The following FAF1 variants were observed in gnomAD, a reference collection of about 807,000 sequenced individuals.
The protein encoded by FAF1 is Fas associated factor 1, also known as FAS-associated factor 1.
A neutral mutation model predicts 92.5 loss-of-function variants in FAF1; 25 were observed. The ratio of observed to expected loss-of-function variants is 0.27; its 90% CI spans 0.20 to 0.38. The LOEUF (loss-of-function observed/expected upper bound fraction) is 0.38, where lower values mean the gene tolerates loss of function less well. FAF1 is among the 10% of genes least tolerant of loss of function. The probability of loss-of-function intolerance (pLI) is 1.00; values close to 1 mark genes in which losing one functional copy is unlikely to be tolerated. For missense variants in FAF1, 636 were observed against 793.3 expected, an observed-to-expected ratio of 0.80 and a Z score of 2.38; for synonymous variants, 234 against 273.2, an observed-to-expected ratio of 0.86 and a Z score of 1.42.
intron 8 of FAF1, among the ~76,000 whole-genome samples, chr1:50,621,222 G>C (rs1247813071): frequency 2.0e-5 from 3 of 152,036 alleles, no homozygotes; most frequent in African/African-American, 2.4e-5. Flanking sequence ...TGAGTCACTG[G>C]GAAAATACTC....
chr1:50,517,184 A>G lies in FAF1; in HGVS notation c.1494+18185T>C, dbSNP rs532913993. ...TGCTATTTAAAAACAAAATGCTAGAATTCAAAATCATTTGCAAATCTTTTT... is the reference window on the plus strand; with the variant it reads ...TGCTATTTAAAAACAAAATGCTAGAGTTCAAAATCATTTGCAAATCTTTTT... On this transcript the variant is annotated intron_variant, in intron 15 of 18. Transcript: ENST00000396153. 7.2e-5 allele frequency among the ~76,000 whole-genome samples: 11 copies of G among 152,328 alleles called. No homozygotes were observed. The South Asian group carries it at 2.1e-3, about 29-fold the overall frequency.
At chr1:50,910,454 C>A (rs1407492349) in intron 1 of FAF1, among the ~76,000 whole-genome samples, 2 of 152,148 alleles carry the variant, frequency 1.3e-5, no homozygotes, top group Non-Finnish European at 2.9e-5. Context: ...TTTCTGATGC[C>A]TTTTGTTCAA....
chr1:50,668,323 T>A (rs1478657781), intron 7 of FAF1, among the ~76,000 whole-genome samples: 1 of 152,160 alleles, frequency 6.6e-6, no homozygotes, highest in Non-Finnish European at 1.5e-5. Context: ...TAACCTCTCC[T>A]TTAGGAAATA....
intron 15 of FAF1, among the ~76,000 whole-genome samples, chr1:50,515,954 T>C (rs539762084): frequency 6.6e-6 from 1 of 152,294 alleles, no homozygotes; most frequent in South Asian, 2.1e-4. Flanking sequence ...ACTTAGTTTA[T>C]ATTATTAGTA....
Position 50,957,347 on chromosome 1 carries a change from C to CTTTTTTT in FAF1, c.45+2413_45+2419dup, listed in dbSNP as rs1188286312. On this transcript the variant is annotated intron_variant, in intron 1 of 18. Transcript: ENST00000396153. ...TTAATGGGATCGAAATTTTCATTTT[C>CTTTTTTT]TTTTTTTTTTTTTTTTTTTTTTGAG... Among the ~76,000 whole-genome samples, 251 of 104,238 alleles carry CTTTTTTT rather than the reference C, an allele frequency of 2.4e-3. 1 individual carries two copies. Among genetic ancestry groups the CTTTTTTT allele is most frequent in the Middle Eastern group, 6.8e-3 (1 of 146 alleles). The allele number at this position is 104,238 out of a possible 152,430, so 68.4% of individuals were successfully genotyped here. A position where few individuals can be genotyped will look rare whatever the true frequency, so the allele number is the denominator to read the frequency against.
At chr1:50,706,922 G>C (rs1185651652) in intron 6 of FAF1, among the ~76,000 whole-genome samples, 3 of 152,190 alleles carry the variant, frequency 2.0e-5, no homozygotes, top group African/African-American at 7.2e-5. Flanking sequence ...TAGACAGATA[G>C]GACGGGCACG....
chr1:50,614,077 TAG>T (rs1283477975), intron 8 of FAF1, among the ~76,000 whole-genome samples: 1 of 151,182 alleles, frequency 6.6e-6, no homozygotes, highest in Non-Finnish European at 1.5e-5. Context: ...AGCCTGGCAA[TAG>T]AGTGAGACTC....
intron 10 of FAF1, 37 bp downstream of exon 10, chr1:50,584,648 A>C (rs756315303): frequency 1.9e-6 from 3 of 1,598,454 alleles, no homozygotes; most frequent in Non-Finnish European, 2.6e-6. Flanking sequence ...AGAAGAAAGA[A>C]TTCTATTGCT....
intron 6 of FAF1, among the ~76,000 whole-genome samples, chr1:50,736,516 G>A (rs893549087): frequency 6.6e-6 from 1 of 152,174 alleles, no homozygotes; most frequent in African/African-American, 2.4e-5. Context: ...TTGGGAGGCC[G>A]AGGTGGGAGG....
intron 8 of FAF1, among the ~76,000 whole-genome samples, chr1:50,626,238 T>C (rs1418177067): frequency 2.0e-5 from 3 of 152,300 alleles, no homozygotes; most frequent in East Asian, 1.9e-4. Context: ...AACTGAGTTT[T>C]AGAGAGGTTT....
At chr1:50,891,516 A>T (rs1644719609) in intron 1 of FAF1, among the ~76,000 whole-genome samples, 1 of 152,094 alleles carries the variant, frequency 6.6e-6, no homozygotes, top group Non-Finnish European at 1.5e-5. Flanking sequence ...GTCTTTGATG[A>T]TAGTGACATA....
chr1:50,870,802 G>A (rs536910329), intron 1 of FAF1, among the ~76,000 whole-genome samples: 2 of 152,192 alleles, frequency 1.3e-5, no homozygotes, highest in African/African-American at 2.4e-5. Flanking sequence ...ATATTGAAAC[G>A]AGGCCAATTA....
chr1:50,588,090 C>A (rs936563871), intron 9 of FAF1, among the ~76,000 whole-genome samples: 1 of 152,042 alleles, frequency 6.6e-6, no homozygotes, highest in African/African-American at 2.4e-5. Context: ...AGTTCGAGAC[C>A]AGCCTGGCCA....
chr1:50,501,660 CAAA>C (rs543026675), intron 15 of FAF1, among the ~76,000 whole-genome samples: 6 of 106,188 alleles, frequency 5.7e-5, no homozygotes, highest in Non-Finnish European at 9.5e-5. Context: ...GACTCCGTCT[CAAA>C]AAAAAAAAAA....
At chr1:50,723,281 G>T (rs1271332171) in intron 6 of FAF1, among the ~76,000 whole-genome samples, 2 of 151,868 alleles carry the variant, frequency 1.3e-5, no homozygotes, top group Non-Finnish European at 2.9e-5. Flanking sequence ...TGCTCCTGCA[G>T]TCCCAGTTAC....
chr1:50,947,155 A>T (rs750706809), intron 1 of FAF1, among the ~76,000 whole-genome samples: 1 of 146,654 alleles, frequency 6.8e-6, no homozygotes, highest in Non-Finnish European at 1.5e-5. Flanking sequence ...GATACATCTA[A>T]AATTGATTTT....
intron 2 of FAF1, among the ~76,000 whole-genome samples, chr1:50,816,331 A>C (rs1328708524): frequency 1.3e-5 from 2 of 150,190 alleles, no homozygotes; most frequent in African/African-American, 2.5e-5. Context: ...CAGCCTCCCG[A>C]GTAGCTGGGA....
intron 4 of FAF1, among the ~76,000 whole-genome samples, chr1:50,746,245 AAC>A (rs1345950056): frequency 8.4e-5 from 6 of 71,516 alleles, no homozygotes; most frequent in Non-Finnish European, 1.2e-4. Flanking sequence ...ACCTGAAACG[AAC>A]ATATATATAT....
At chr1:50,786,942 C>T (rs1340480732) in intron 4 of FAF1, among the ~76,000 whole-genome samples, 1 of 152,184 alleles carries the variant, frequency 6.6e-6, no homozygotes, top group Non-Finnish European at 1.5e-5. Flanking sequence ...AAGAGTTTAA[C>T]AGCTTTGCTT....
Sources: gnomAD v4.1 joint callset for allele counts (sites outside exome capture counted in the v4.1 genomes callset) on GRCh38, gnomAD v4.1.1 for gene constraint, MANE v1.5 for transcripts, NCBI Gene and HGNC (gene_info 2026-07-23, HGNC 2026-07-21) for gene names.